Variants in TUBGCP4 observed in about 807,000 individuals in gnomAD.
TUBGCP4 encodes tubulin gamma complex component 4.
TUBGCP4 carries 54 observed loss-of-function variants against 91.6 expected under a neutral mutation model. The observed-to-expected ratio is 0.59, with a 90% CI of 0.47 to 0.74. The LOEUF (loss-of-function observed/expected upper bound fraction) is 0.74. TUBGCP4 is among the 30% of genes least tolerant of loss of function. The probability of loss-of-function intolerance (pLI) is 0.00; values close to 1 mark genes in which losing one functional copy is unlikely to be tolerated. For synonymous variants in TUBGCP4, 297 were observed against 302.8 expected (o/e 0.98, Z 0.20); for missense variants, 593 against 800.9 (o/e 0.74, Z 3.13).
In TUBGCP4 at chr15:43,377,055, C is replaced by A; in HGVS notation, c.372C>A (p.Tyr124Ter). ...DPHLSISHVNYFLDQFQLLFP... is the reference protein window; with the variant it reads ...DPHLSISHVN The stretch of plus-strand genomic sequence containing the variant: ...ATCTCTCCATATCACATGTCAACTA[C>A]TTCCTAGACCAGGTATGCTGCCCAA... The change falls in exon 4 of 18, where the codon TAC becomes TAA. Residue 124 changes from tyrosine (Y) to a stop codon, truncating the protein, a stop_gained. Coordinates refer to ENST00000564079, the MANE Select transcript of TUBGCP4 (RefSeq NM_014444.5). LOFTEE classifies it high-confidence loss of function. The A allele has an allele frequency of 3.7e-6, 6 of 1,613,648 alleles. No homozygotes were observed. The highest frequency in any genetic ancestry group is 5.1e-6 in the Non-Finnish European group (6 of 1,179,554).
In TUBGCP4 at chr15:43,395,707, G is replaced by T; in HGVS notation, c.1171+19G>T. On this transcript the variant is annotated intron_variant, in intron 11 of 17. Transcript: ENST00000564079. ...GAGCATGGTAATTGTCAGTGGCCCT[G>T]AGAATGATCAACTGATTGACATTGC... 2 of 1,592,050 alleles carry T rather than the reference G, an allele frequency of 1.3e-6. No homozygotes were observed. Among genetic ancestry groups the T allele is most frequent in the South Asian group, 2.2e-5 (2 of 90,658 alleles).
intron 16 of TUBGCP4, 53 bp downstream of exon 16, chr15:43,403,852 C>A: frequency 7.6e-7 from 1 of 1,307,584 alleles, no homozygotes; most frequent in Non-Finnish European, 1.1e-6. Flanking sequence ...GGTGGTTTTG[C>A]CAATGGAGAA....
At chr15:43,398,382 T>G (rs978239063) in intron 13 of TUBGCP4, 5 of 277,320 alleles carry the variant, frequency 1.8e-5, no homozygotes, top group Non-Finnish European at 3.3e-5. Context: ...CCCCATCTCA[T>G]AAAAAAAAAA....
Position 43,403,665 on chromosome 15 carries a change from A to C in TUBGCP4, c.1732-18A>C. On this transcript the variant is annotated intron_variant, in intron 15 of 17. Coordinates refer to ENST00000564079, the MANE Select transcript of TUBGCP4 (RefSeq NM_014444.5). ...TACCTTCCTTCCTTTCCTAATGCCA[A>C]CTCTGTTTCCCGGGTAGGTGTTTCA... 1 of 1,581,768 alleles carries C rather than the reference A, an allele frequency of 6.3e-7. No homozygotes were observed. The highest frequency in any genetic ancestry group is 1.3e-5 in the African/African-American group (1 of 74,228).
Position 43,380,077 on chromosome 15 carries a change from T to TC in TUBGCP4, c.442-5dup, listed in dbSNP as rs1310796518. On this transcript the variant is annotated splice_polypyrimidine_tract_variant and splice_region_variant and intron_variant, in intron 5 of 17. Transcript: ENST00000564079. ...AATCCAGTTTGACAAGGCCGTATTTTCCACAGATTCATGGTTGTCAAATCC... is the reference window on the plus strand; with the variant it reads ...AATCCAGTTTGACAAGGCCGTATTTTCCCACAGATTCATGGTTGTCAAATCC... The TC allele has an allele frequency of 1.2e-6, 2 of 1,614,084 alleles. No homozygotes were observed. The highest frequency in any genetic ancestry group is 3.3e-5 in the Admixed American group (2 of 60,028).
chr15:43,391,998 C>G (rs1219978295), intron 9 of TUBGCP4, among the ~76,000 whole-genome samples: 3 of 151,190 alleles, frequency 2.0e-5, no homozygotes, highest in Non-Finnish European at 4.4e-5. Flanking sequence ...GAGGTTGCAG[C>G]AAGCTGAGAT....
At chr15:43,399,858 T>C (rs1327097205) in intron 13 of TUBGCP4, among the ~76,000 whole-genome samples, 186 bp from the exon 14 acceptor site, 2 of 152,208 alleles carry the variant, frequency 1.3e-5, no homozygotes, top group East Asian at 3.8e-4. Flanking sequence ...CTGGAGTTCA[T>C]TCGACTGCTA....
chr15:43,377,001 T>C lies in TUBGCP4; in HGVS notation c.331-13T>C, dbSNP rs372135296. 9.9e-6 allele frequency: 16 copies of C among 1,611,166 alleles called. No individual in the cohort carries two copies. In the African/African-American group the frequency reaches 2.0e-4, roughly 20 times the overall value. ...TTTGTGTGGAGCTCTAATCACAAAG[T>C]TTTTTATTGCAGTTCCTGGGTGATC... On this transcript the variant is annotated splice_polypyrimidine_tract_variant and intron_variant, in intron 3 of 17. Coordinates refer to ENST00000564079, the MANE Select transcript of TUBGCP4 (RefSeq NM_014444.5).
intron 10 of TUBGCP4, 151 bp downstream of exon 10, chr15:43,395,308 C>A: frequency 1.2e-6 from 1 of 823,492 alleles, no homozygotes; most frequent in South Asian, 1.6e-5. Context: ...ATACCTAATG[C>A]CACAAATCTA....
chr15:43,409,127 TG>T lies in TUBGCP4; in HGVS notation c.*3915del. The T allele has an allele frequency of 6.2e-7, 1 of 1,607,014 alleles. No homozygotes were observed. ...AGAAAAGAAGCAGAGCCAATGGGTTTGGTGACTTCTGTGGAAAGCTCCTAAG... is the reference window on the plus strand; with the variant it reads ...AGAAAAGAAGCAGAGCCAATGGGTTTGTGACTTCTGTGGAAAGCTCCTAAG... On this transcript the variant is annotated 3_prime_UTR_variant, in exon 18 of 18. Transcript: ENST00000564079.
chr15:43,380,771 G>T (rs1463242691), intron 6 of TUBGCP4, among the ~76,000 whole-genome samples: 2 of 152,070 alleles, frequency 1.3e-5, no homozygotes, highest in African/African-American at 4.8e-5. Flanking sequence ...ATATAAATAT[G>T]TACTGACAAA....
intron 4 of TUBGCP4, chr15:43,377,510 C>T: frequency 1.0e-5 from 3 of 301,048 alleles, no homozygotes; most frequent in Non-Finnish European, 1.8e-5. Flanking sequence ...GTAGTCCCAG[C>T]TACTTGGGAG....
At chr15:43,397,063 A>G (rs2044593026) in intron 11 of TUBGCP4, 151 bp from the exon 12 acceptor site, 3 of 653,378 alleles carry the variant, frequency 4.6e-6, no homozygotes, top group Admixed American at 4.6e-5. Context: ...GCAAGAAGAG[A>G]AGGATGGATG....
At chr15:43,396,619 G>A (rs575243366) in intron 11 of TUBGCP4, among the ~76,000 whole-genome samples, 2 of 152,318 alleles carry the variant, frequency 1.3e-5, no homozygotes, top group South Asian at 4.2e-4. Context: ...AAGAAATAAT[G>A]TATTGATTCT....
intron 9 of TUBGCP4, among the ~76,000 whole-genome samples, chr15:43,386,809 C>T (rs2044383335): frequency 6.7e-6 from 1 of 149,996 alleles, no homozygotes; most frequent in Admixed American, 6.6e-5. Flanking sequence ...AAGAACCGAG[C>T]TTGGAAAGAA....
intron 5 of TUBGCP4, among the ~76,000 whole-genome samples, chr15:43,378,585 C>A (rs1267218432): frequency 6.6e-6 from 1 of 152,072 alleles, no homozygotes; most frequent in Non-Finnish European, 1.5e-5. Flanking sequence ...ATTAATGTAA[C>A]TAGTAAACCA....
At position 43,406,952 on chromosome 15, in the gene TUBGCP4, A is replaced by C. The variant is rs1163919136; in HGVS notation, c.*1738A>C. 3 of 235,540 alleles carry C rather than the reference A, an allele frequency of 1.3e-5. No individual in the cohort carries two copies. The highest frequency in any genetic ancestry group is 2.5e-5 in the Non-Finnish European group (3 of 118,554). The allele number at this position is 235,540 out of a possible 1,614,324, so 14.6% of individuals were successfully genotyped here. The stretch of plus-strand genomic sequence containing the variant: ...ACTGTCAGGAAACAGAGCTGTGCCC[A>C]ATTCCACTCAACTTTTGGCACAACT... On this transcript the variant is annotated 3_prime_UTR_variant, in exon 18 of 18. Transcript: ENST00000564079.
Position 43,406,780 on chromosome 15 carries a change from C to G in TUBGCP4, c.*1566C>G. The G allele has an allele frequency of 2.8e-6, 1 of 360,484 alleles. No individual in the cohort carries two copies. Among genetic ancestry groups the G allele is most frequent in the South Asian group, 2.2e-5 (1 of 44,756 alleles). 22.3% of individuals were successfully genotyped at this position (360,484 alleles called of 1,614,324 possible). On this transcript the variant is annotated 3_prime_UTR_variant, in exon 18 of 18. Transcript: ENST00000564079. ...TCTCACTTGTGCTTCCCATGTTTAT[C>G]TTACGGAAGGTCATTCCATCAAGCT...
Position 43,388,004 on chromosome 15 carries a change from A to G in TUBGCP4, c.1014+1674A>G, listed in dbSNP as rs115184925. Reference sequence around the variant, plus strand: ...GCTGGGACTGCAGGCCTGCACCAGCATGCCTGGCAAACTTTTTTGTATTTT... The same window carrying G: ...GCTGGGACTGCAGGCCTGCACCAGCGTGCCTGGCAAACTTTTTTGTATTTT... On this transcript the variant is annotated intron_variant, in intron 9 of 17. Coordinates refer to ENST00000564079, the MANE Select transcript of TUBGCP4 (RefSeq NM_014444.5). 8.6e-4 allele frequency among the ~76,000 whole-genome samples: 130 copies of G among 151,140 alleles called. 1 individual carries two copies. Among genetic ancestry groups the G allele is most frequent in the African/African-American group, 3.0e-3 (123 of 41,162 alleles).
Sources: gnomAD v4.1 joint callset for allele counts (sites outside exome capture counted in the v4.1 genomes callset) on GRCh38, gnomAD v4.1.1 for gene constraint, MANE v1.5 for transcripts, NCBI Gene and HGNC (gene_info 2026-07-23, HGNC 2026-07-21) for gene names.